SRSF5: variants seen among roughly 807,000 people sequenced by gnomAD.
SRSF5 encodes the protein serine and arginine rich splicing factor 5.
Under a neutral mutation model 34.0 loss-of-function variants are expected in SRSF5, and 5 were observed. That is an observed-to-expected ratio of 0.15 (90% CI 0.08 to 0.31). The LOEUF (loss-of-function observed/expected upper bound fraction) is 0.31, where lower values mean the gene tolerates loss of function less well. SRSF5 is among the 10% of genes least tolerant of loss of function. SRSF5 has a pLI of 1.00. For missense variants in SRSF5, 223 were observed against 351.4 expected (o/e 0.63, Z 2.92); for synonymous variants, 164 against 117.7 (o/e 1.39, Z -2.55).
Position 69,771,549 on chromosome 14 carries a change from G to T in SRSF5, c.*88G>T. On this transcript the variant is annotated 3_prime_UTR_variant, in exon 8 of 8. Coordinates refer to ENST00000557154, the MANE Select transcript of SRSF5 (RefSeq NM_001320214.2). ...CCATACTTGCTAAAAATTCTGGTAAGTATGTGCTTTTCTGTGGGGGTGGGA... is the reference window on the plus strand; with the variant it reads ...CCATACTTGCTAAAAATTCTGGTAATTATGTGCTTTTCTGTGGGGGTGGGA... 7.3e-6 allele frequency: 9 copies of T among 1,225,578 alleles called. No homozygotes were observed. Among genetic ancestry groups the T allele is most frequent in the Non-Finnish European group, 1.0e-5 (9 of 886,604 alleles). The allele number at this position is 1,225,578 out of a possible 1,614,324, so 75.9% of individuals were successfully genotyped here.
intron 1 of SRSF5, chr14:69,767,859 G>T (rs530113305): frequency 2.5e-6 from 1 of 396,704 alleles, no homozygotes; most frequent in African/African-American, 2.1e-5. Flanking sequence ...CAGATGGGAG[G>T]GGGCCGGAGA....
intron 5 of SRSF5, 77 bp from the exon 6 acceptor site, chr14:69,770,390 T>C (rs1883055740): frequency 6.4e-7 from 1 of 1,566,954 alleles, no homozygotes; most frequent in Non-Finnish European, 8.6e-7. Flanking sequence ...TTCAGTAGTC[T>C]TGTTTTTTTT....
At chr14:69,769,273 A>T (rs946435860) in intron 5 of SRSF5, 22 bp downstream of exon 5, 4 of 1,613,142 alleles carry the variant, frequency 2.5e-6, no homozygotes, top group African/African-American at 1.3e-5. Context: ...TACAGTTTTG[A>T]GTTATTTTGA....
intron 4 of SRSF5, 142 bp from the exon 5 acceptor site, chr14:69,769,040 C>T (rs552264540): frequency 2.3e-6 from 3 of 1,276,796 alleles, no homozygotes; most frequent in Non-Finnish European, 2.3e-6. Context: ...CTTGATGAAT[C>T]TATATGAGTC....
intron 5 of SRSF5, chr14:69,770,176 T>G (rs1258274489): frequency 1.8e-6 from 2 of 1,102,344 alleles, no homozygotes; most frequent in East Asian, 5.5e-5. Context: ...TTTTGTTGTT[T>G]TTTTGTTTGT....
chr14:69,770,577 C>G (rs768700508), intron 6 of SRSF5, 37 bp downstream of exon 6: 1 of 1,573,526 alleles, frequency 6.4e-7, no homozygotes, highest in Non-Finnish European at 8.7e-7. Context: ...TTAAAAATAT[C>G]CGGAAAATTT....
chr14:69,771,052 A>G lies in SRSF5; in HGVS notation c.498A>G (p.Gly166=). The G allele has an allele frequency of 6.2e-7, 1 of 1,614,042 alleles. No homozygotes were observed. Among genetic ancestry groups the G allele is most frequent in the Non-Finnish European group, 8.5e-7 (1 of 1,179,988 alleles). The change falls in exon 7 of 8, where the codon GGA becomes GGG. Residue 166 remains glycine (G), a synonymous_variant. Transcript: ENST00000557154. ...AGAATGCTATTGAAAAACTTTCTGG[A>G]AAGGAAATAAATGGGAGAAAAATAA... ...DLKNAIEKLS[G]KEINGRKIKL...
chr14:69,767,985 C>T (rs1476991000), intron 1 of SRSF5, 153 bp from the exon 2 acceptor site: 16 of 778,504 alleles, frequency 2.1e-5, no homozygotes, highest in Non-Finnish European at 2.8e-5. Context: ...ATTTTGTCTG[C>T]AGGTAACCTG....
At chr14:69,768,020 A>G (rs780123915) in intron 1 of SRSF5, 118 bp from the exon 2 acceptor site, 36 of 1,181,548 alleles carry the variant, frequency 3.0e-5, no homozygotes, top group East Asian at 1.5e-4. Context: ...TCTGTTGGCA[A>G]TCTCGTTCAT....
intron 5 of SRSF5, chr14:69,769,698 G>A (rs1313416092): frequency 9.5e-6 from 14 of 1,467,152 alleles, no homozygotes; most frequent in Admixed American, 2.6e-5. Flanking sequence ...CCAGGTTGCA[G>A]CGATCCCAGA....
intron 5 of SRSF5, 68 bp from the exon 6 acceptor site, chr14:69,770,399 T>TTA: frequency 6.3e-7 from 1 of 1,576,912 alleles, no homozygotes; most frequent in Non-Finnish European, 8.6e-7. Flanking sequence ...CTTGTTTTTT[T>TTA]TATATCATGT....
intron 4 of SRSF5, 111 bp from the exon 5 acceptor site, chr14:69,769,071 C>T (rs535801847): frequency 1.4e-5 from 19 of 1,369,698 alleles, no homozygotes; most frequent in East Asian, 4.7e-5. Context: ...AATCTATTGA[C>T]GGAAGTCATT....
chr14:69,767,618 A>G (rs1304074738), intron 1 of SRSF5: 3 of 440,830 alleles, frequency 6.8e-6, no homozygotes, highest in Non-Finnish European at 1.4e-5. Flanking sequence ...GGTTGCTGGG[A>G]GGAGAAGGGA....
Position 69,771,091 on chromosome 14 carries a change from C to T in SRSF5, c.537C>T (p.Gly179=), listed in dbSNP as rs753836015. The change falls in exon 7 of 8, where the codon GGC becomes GGT. Residue 179 remains glycine (G), a synonymous_variant. Transcript: ENST00000557154. ...GGAGAAAAATAAAATTAATTGAAGG[C>T]AGCAAAAGGCACAGGTATCTCTAAT... ...INGRKIKLIE[G]SKRHSRSRSR... 1.9e-6 allele frequency: 3 copies of T among 1,613,800 alleles called. No individual in the cohort carries two copies. Among genetic ancestry groups the T allele is most frequent in the Admixed American group, 3.3e-5 (2 of 59,918 alleles).
At chr14:69,769,710 C>T (rs932341067) in intron 5 of SRSF5, 5 of 1,442,556 alleles carry the variant, frequency 3.5e-6, no homozygotes, top group Non-Finnish European at 4.5e-6. Flanking sequence ...GATCCCAGAG[C>T]GTTGATAACG....
At chr14:69,769,865 A>G in intron 5 of SRSF5, 1 of 1,231,892 alleles carries the variant, frequency 8.1e-7, no homozygotes, top group Non-Finnish European at 1.0e-6. Context: ...CTCGAGTAGA[A>G]CATGTCTGCA....
intron 1 of SRSF5, 111 bp downstream of exon 1, chr14:69,767,366 C>T (rs757575139): frequency 2.2e-6 from 1 of 455,860 alleles, no homozygotes. Flanking sequence ...GTCTAATGAG[C>T]GCAGTTGATT....
chr14:69,769,654 G>C (rs1882983060), intron 5 of SRSF5: 1 of 1,521,688 alleles, frequency 6.6e-7, no homozygotes, highest in Non-Finnish European at 8.8e-7. Context: ...TGTGTTTGCC[G>C]GTCTAGACGT....
intron 3 of SRSF5, 43 bp from the exon 4 acceptor site, chr14:69,768,755 G>T: frequency 6.2e-7 from 1 of 1,611,896 alleles, no homozygotes; most frequent in Non-Finnish European, 8.5e-7. Context: ...GTAGATTTAT[G>T]TAGCTTAAGT....
Sources: gnomAD v4.1 joint callset for allele counts on GRCh38, gnomAD v4.1.1 for gene constraint, MANE v1.5 for transcripts, NCBI Gene and HGNC (gene_info 2026-07-23, HGNC 2026-07-21) for gene names.